NKAIN2: variants seen among roughly 807,000 people sequenced by gnomAD.
NKAIN2 encodes the protein sodium/potassium transporting ATPase interacting 2.
In NKAIN2, 14 loss-of-function variants were observed where a neutral mutation model predicts 32.6. That is an observed-to-expected ratio of 0.43 (90% CI 0.28 to 0.67). NKAIN2 has a LOEUF of 0.67. Among genes scored for constraint, NKAIN2 ranks in the 30% least tolerant of loss-of-function variants. The pLI, the probability that NKAIN2 is intolerant of heterozygous loss-of-function variation, is 0.17. For synonymous variants in NKAIN2, 80 were observed against 87.2 expected, an observed-to-expected ratio of 0.92 and a Z score of 0.46; for missense variants, 198 against 258.3, an observed-to-expected ratio of 0.77 and a Z score of 1.60.
chr6:124,744,964 GTC>G, intron 4 of NKAIN2, among the ~76,000 whole-genome samples: 1 of 151,890 alleles, frequency 6.6e-6, no homozygotes, highest in East Asian at 2.0e-4. Context: ...AAGGGCAAAT[GTC>G]TCACACAATT....
At chr6:124,380,295 C>T (rs9491144) in intron 3 of NKAIN2, among the ~76,000 whole-genome samples, 1 of 152,100 alleles carries the variant, frequency 6.6e-6, no homozygotes, top group Non-Finnish European at 1.5e-5. Flanking sequence ...ATCTCCCCTG[C>T]AATTCAGTGT....
chr6:123,929,171 A>G (rs150468954), intron 1 of NKAIN2, among the ~76,000 whole-genome samples: 23 of 152,280 alleles, frequency 1.5e-4, no homozygotes, highest in African/African-American at 5.1e-4. Flanking sequence ...TTGCATGTAT[A>G]TATTGTGATA....
chr6:123,838,362 C>T (rs1164297449), intron 1 of NKAIN2, among the ~76,000 whole-genome samples: 1 of 152,008 alleles, frequency 6.6e-6, no homozygotes, highest in African/African-American at 2.4e-5. Context: ...CTTTTATTAC[C>T]TCATAAATTC....
At chr6:124,700,350 G>T (rs972497678) in intron 4 of NKAIN2, among the ~76,000 whole-genome samples, 1 of 152,044 alleles carries the variant, frequency 6.6e-6, no homozygotes, top group Non-Finnish European at 1.5e-5. Flanking sequence ...ACTTCTGTTC[G>T]CTCAGAATCT....
At chr6:124,217,204 G>C (rs1477467292) in intron 1 of NKAIN2, among the ~76,000 whole-genome samples, 1 of 152,066 alleles carries the variant, frequency 6.6e-6, no homozygotes, top group Non-Finnish European at 1.5e-5. Flanking sequence ...GAAAGTGGTG[G>C]CCTACAGAAG....
intron 1 of NKAIN2, among the ~76,000 whole-genome samples, chr6:123,905,670 C>G (rs1037498610): frequency 2.6e-5 from 4 of 151,838 alleles, no homozygotes; most frequent in Admixed American, 2.0e-4. Flanking sequence ...ACCGAAAAGC[C>G]TATTGATGAG....
intron 1 of NKAIN2, among the ~76,000 whole-genome samples, chr6:123,953,015 G>A (rs1777398680): frequency 1.3e-5 from 2 of 152,116 alleles, no homozygotes; most frequent in South Asian, 4.1e-4. Context: ...TCAATATTCT[G>A]AATTTACTTT....
intron 1 of NKAIN2, among the ~76,000 whole-genome samples, chr6:124,205,119 T>G (rs1398306799): frequency 7.4e-6 from 1 of 135,170 alleles, no homozygotes; most frequent in Admixed American, 8.1e-5. Flanking sequence ...TGCATTTTGT[T>G]AGTTCATTTG....
At chr6:124,376,582 CTCTT>C (rs1800004440) in intron 3 of NKAIN2, among the ~76,000 whole-genome samples, 2 of 152,110 alleles carry the variant, frequency 1.3e-5, no homozygotes, top group Admixed American at 1.3e-4. Context: ...AAAGTTTTCT[CTCTT>C]TATTAAATCA....
intron 1 of NKAIN2, among the ~76,000 whole-genome samples, chr6:123,997,192 T>G (rs1217305179): frequency 6.6e-6 from 1 of 152,238 alleles, no homozygotes; most frequent in Admixed American, 6.5e-5. Flanking sequence ...TAGGCTGATA[T>G]GTTTTTAATA....
intron 5 of NKAIN2, among the ~76,000 whole-genome samples, chr6:124,806,018 G>A (rs1216206813): frequency 6.6e-6 from 1 of 152,092 alleles, no homozygotes; most frequent in East Asian, 1.9e-4. Flanking sequence ...TCTGATTGGT[G>A]TACCTGAAAG....
chr6:124,242,244 G>A (rs1315986033), intron 1 of NKAIN2, among the ~76,000 whole-genome samples: 1 of 152,090 alleles, frequency 6.6e-6, no homozygotes. Context: ...CATATGAACA[G>A]ACACTTCTCA....
At chr6:124,371,020 C>T (rs1194976309) in intron 3 of NKAIN2, among the ~76,000 whole-genome samples, 5 of 152,120 alleles carry the variant, frequency 3.3e-5, no homozygotes, top group Non-Finnish European at 5.9e-5. Flanking sequence ...GTGTTAACTG[C>T]GGCATCATAG....
intron 3 of NKAIN2, among the ~76,000 whole-genome samples, chr6:124,633,282 C>T (rs1783643571): frequency 6.6e-6 from 1 of 152,074 alleles, no homozygotes; most frequent in Non-Finnish European, 1.5e-5. Context: ...TCTCTACCTC[C>T]TAATTTTGTT....
At chr6:124,452,187 A>G (rs1050444032) in intron 3 of NKAIN2, among the ~76,000 whole-genome samples, 1 of 110,996 alleles carries the variant, frequency 9.0e-6, no homozygotes, top group Non-Finnish European at 2.1e-5. Context: ...AGAGCAAGAC[A>G]TCATCTCGAA....
intron 4 of NKAIN2, among the ~76,000 whole-genome samples, chr6:124,706,656 A>T (rs906010299): frequency 6.6e-6 from 1 of 152,186 alleles, no homozygotes; most frequent in Non-Finnish European, 1.5e-5. Flanking sequence ...GAAAAGTCTC[A>T]GTATAAATAA....
At chr6:124,477,646 C>T (rs1041477873) in intron 3 of NKAIN2, among the ~76,000 whole-genome samples, 2 of 149,788 alleles carry the variant, frequency 1.3e-5, no homozygotes, top group African/African-American at 2.5e-5. Flanking sequence ...TTCTTCTCCT[C>T]CCACTTCCTC....
At chr6:124,011,404 T>A (rs1487404222) in intron 1 of NKAIN2, among the ~76,000 whole-genome samples, 1 of 152,158 alleles carries the variant, frequency 6.6e-6, no homozygotes, top group African/African-American at 2.4e-5. Context: ...CTGTTCTTTT[T>A]TTTTTTTTAG....
intron 1 of NKAIN2, among the ~76,000 whole-genome samples, chr6:124,162,306 T>C (rs1025028698): frequency 1.3e-5 from 2 of 152,108 alleles, no homozygotes; most frequent in African/African-American, 4.8e-5. Flanking sequence ...GGAAGACTTC[T>C]TCTACTCAAG....
Sources: gnomAD v4.1 joint callset for allele counts (sites outside exome capture counted in the v4.1 genomes callset) on GRCh38, gnomAD v4.1.1 for gene constraint, MANE v1.5 for transcripts, NCBI Gene and HGNC (gene_info 2026-07-23, HGNC 2026-07-21) for gene names.